DMD: variants seen among roughly 807,000 people sequenced by gnomAD.
DMD encodes dystrophin, also known as mutant dystrophin.
DMD carries 63 observed loss-of-function variants against 330.1 expected under a neutral mutation model. That is an observed-to-expected ratio of 0.19 (90% CI 0.16 to 0.24). The LOEUF is 0.24. Ranked by LOEUF, DMD falls within the 10% of genes least tolerant of loss-of-function variation. The pLI is 1.00. For missense variants in DMD, 3,344 were observed against 2,684.1 expected (o/e 1.25, Z -5.43); for synonymous variants, 1,223 against 959.8 (o/e 1.27, Z -5.07).
rs768755278 is a variant in DMD at position 32,085,818 on chromosome X, A to T, written c.6439-117304T>A. Among the ~76,000 whole-genome samples, 5 of 110,158 alleles carry T rather than the reference A, an allele frequency of 4.5e-5. No individual in the cohort carries two copies. In the South Asian group the frequency reaches 1.9e-3, roughly 42 times the overall value. Reference sequence around the variant, plus strand: ...ATATCTGGCAATATCTTATCTACTAAATCAAAATGTATACAATGTGCCCCA... The same window carrying T: ...ATATCTGGCAATATCTTATCTACTATATCAAAATGTATACAATGTGCCCCA... On this transcript the variant is annotated intron_variant, in intron 44 of 78. Coordinates refer to ENST00000357033, the MANE Select transcript of DMD (RefSeq NM_004006.3).
At chrX:31,618,771 A>C in intron 55 of DMD, among the ~76,000 whole-genome samples, 2 of 112,194 alleles carry the variant, frequency 1.8e-5, no homozygotes, top group South Asian at 7.4e-4. Flanking sequence ...CATGATTCTC[A>C]AAGTAAATGC....
chrX:31,499,038 AC>A (rs1292602725), intron 56 of DMD, among the ~76,000 whole-genome samples: 1 of 111,838 alleles, frequency 8.9e-6, no homozygotes. Flanking sequence ...TCTGGAATTC[AC>A]AGCTTGGTCC....
intron 44 of DMD, among the ~76,000 whole-genome samples, chrX:31,972,062 T>C (rs985991248): frequency 4.8e-4 from 54 of 111,753 alleles, no homozygotes; most frequent in African/African-American, 1.7e-3. Context: ...AATTCCATTC[T>C]AAGTCTACTG....
chrX:31,671,011 C>T (rs562488116), intron 53 of DMD, among the ~76,000 whole-genome samples: 68 of 110,359 alleles, frequency 6.2e-4, no homozygotes, highest in Admixed American at 5.5e-3. Flanking sequence ...CTCCAGGGTT[C>T]GCGCCATTCT....
chrX:32,849,532 T>C (rs778329270), intron 3 of DMD, among the ~76,000 whole-genome samples, 196 bp downstream of exon 3: 14 of 111,900 alleles, frequency 1.3e-4, no homozygotes, highest in Middle Eastern at 4.7e-3. Flanking sequence ...ATTGTATTAC[T>C]GAAATTTTTA....
chrX:31,399,674 G>T (rs1382603775), intron 60 of DMD, among the ~76,000 whole-genome samples: 1 of 111,208 alleles, frequency 9.0e-6, no homozygotes, highest in East Asian at 2.8e-4. Flanking sequence ...AGCTATAGAA[G>T]ATTTTTTTAA....
chrX:31,443,933 C>T (rs1419789938), intron 60 of DMD, among the ~76,000 whole-genome samples: 2 of 111,245 alleles, frequency 1.8e-5, no homozygotes. Context: ...AATCTGATCC[C>T]CCGTGTTGGT....
At chrX:32,702,769 T>C (rs2064249942) in intron 7 of DMD, among the ~76,000 whole-genome samples, 1 of 111,106 alleles carries the variant, frequency 9.0e-6, no homozygotes, top group Non-Finnish European at 1.9e-5. Flanking sequence ...ATGACAAAAA[T>C]TCTAAGATGG....
intron 62 of DMD, among the ~76,000 whole-genome samples, chrX:31,314,181 G>T (rs778539950): frequency 8.9e-6 from 1 of 111,852 alleles, no homozygotes; most frequent in South Asian, 3.8e-4. Context: ...GTGTTACAAG[G>T]ATTAAATGGG....
chrX:31,567,823 T>C, intron 55 of DMD, among the ~76,000 whole-genome samples: 1 of 110,836 alleles, frequency 9.0e-6, no homozygotes, highest in South Asian at 3.8e-4. Context: ...TCCCACAGAG[T>C]AATCCCAAAG....
intron 1 of DMD, among the ~76,000 whole-genome samples, chrX:33,146,129 C>T (rs1288676250): frequency 3.6e-5 from 4 of 110,438 alleles, no homozygotes; most frequent in African/African-American, 1.3e-4. Context: ...CTCCTAACCT[C>T]GTGATCCACC....
chrX:32,696,297 T>A lies in DMD; in HGVS notation c.960+1573A>T, dbSNP rs1004836067. Among the ~76,000 whole-genome samples the A allele has an allele frequency of 1.2e-4, 13 of 112,096 alleles. 1 individual carries two copies. The East Asian group carries it at 3.1e-3, about 27-fold the overall frequency. On this transcript the variant is annotated intron_variant, in intron 9 of 78. Coordinates refer to ENST00000357033, the MANE Select transcript of DMD (RefSeq NM_004006.3). Reference sequence around the variant, plus strand: ...AGTGTGAATAATTAAGGCATACACTTATCAAACCTAACTACATGTAACATC... The same window carrying A: ...AGTGTGAATAATTAAGGCATACACTAATCAAACCTAACTACATGTAACATC...
chrX:33,284,343 C>T (rs1288718504), intron 1 of DMD, among the ~76,000 whole-genome samples: 1 of 110,774 alleles, frequency 9.0e-6, no homozygotes, highest in Non-Finnish European at 1.9e-5. Flanking sequence ...TTTTTCTCAA[C>T]AATTAGTGTT....
chrX:32,634,295 G>A (rs756383145), intron 11 of DMD, among the ~76,000 whole-genome samples: 16 of 111,585 alleles, frequency 1.4e-4, no homozygotes, highest in African/African-American at 4.9e-4. Context: ...CTGGAATCAG[G>A]GACCCTAGGA....
intron 30 of DMD, among the ~76,000 whole-genome samples, chrX:32,401,332 A>T (rs1206566185): frequency 2.0e-5 from 2 of 102,197 alleles, no homozygotes; most frequent in Non-Finnish European, 4.0e-5. Context: ...AAAGTATAAT[A>T]ATAAAAAAAA....
chrX:32,744,592 C>G (rs1289225109), intron 7 of DMD, among the ~76,000 whole-genome samples: 2 of 111,208 alleles, frequency 1.8e-5, no homozygotes, highest in African/African-American at 6.5e-5. Context: ...TTTACTCCCT[C>G]CCTCCAAACC....
intron 60 of DMD, among the ~76,000 whole-genome samples, chrX:31,391,931 G>T (rs772604169): frequency 9.0e-6 from 1 of 111,377 alleles, no homozygotes; most frequent in Non-Finnish European, 1.9e-5. Flanking sequence ...GAAAAATCAA[G>T]AAAAGGTTTA....
chrX:31,261,872 C>T (rs1486080667), intron 62 of DMD: 3 of 112,347 alleles, frequency 2.7e-5, no homozygotes, highest in Non-Finnish European at 5.6e-5. Flanking sequence ...TCAGGGATTG[C>T]ATGACAGGCT....
At chrX:31,473,711 C>CAA (rs55752684) in intron 59 of DMD, among the ~76,000 whole-genome samples, 6 of 40,127 alleles carry the variant, frequency 1.5e-4, no homozygotes, top group African/African-American at 1.8e-4. Context: ...GACTCTGTCT[C>CAA]AAAAAAAAAA....
Sources: allele counts gnomAD v4.1 joint callset (sites outside exome capture counted in the v4.1 genomes callset), GRCh38; gene constraint gnomAD v4.1.1; transcripts MANE v1.5; gene names NCBI Gene and HGNC (gene_info 2026-07-23, HGNC 2026-07-21).